Variants in DENND1B observed in about 807,000 individuals in gnomAD.
DENND1B encodes the protein DENN domain containing 1B, also known as DENN domain-containing protein 1B.
DENND1B carries 59 observed loss-of-function variants against 90.1 expected under a neutral mutation model. The observed-to-expected ratio is 0.65, with a 90% confidence interval of 0.53 to 0.81. DENND1B has a LOEUF of 0.81. Among genes scored for constraint, DENND1B ranks in the 40% least tolerant of loss-of-function variants. DENND1B has a pLI of 0.00. For synonymous variants in DENND1B, 337 were observed against 324.6 expected (o/e 1.04, Z -0.41); for missense variants, 862 against 912.6 (o/e 0.94, Z 0.71).
Position 197,511,798 on chromosome 1 carries a change from T to A in DENND1B, c.1745A>T (p.Gln582Leu). 4 of 1,611,060 alleles carry A rather than the reference T, an allele frequency of 2.5e-6. No individual in the cohort carries two copies. Among genetic ancestry groups the A allele is most frequent in the Non-Finnish European group, 2.5e-6 (3 of 1,178,094 alleles). ...LDTLSTHSSD[Q>L]GKLAAAKSLD... ...GCTCTTTGCAGCTGCCAGCTTCCCC[T>A]GATCTGAGCTGTGTGTGCTCAATGT... The change falls in exon 22 of 23, where the codon CAG (glutamine) becomes CTG (leucine). Residue 582 changes from glutamine to leucine, a missense_variant. Physicochemically the swap from Gln to Leu is moderately radical, Grantham distance 113. Coordinates refer to ENST00000620048, the MANE Select transcript of DENND1B (RefSeq NM_001195215.2).
chr1:197,699,296 C>G (rs1658776956), intron 3 of DENND1B, among the ~76,000 whole-genome samples: 1 of 151,970 alleles, frequency 6.6e-6, no homozygotes, highest in Non-Finnish European at 1.5e-5. Context: ...ATAAATGGAG[C>G]CAAAAACAAA....
At chr1:197,515,926 T>C (rs1465753091) in intron 20 of DENND1B, among the ~76,000 whole-genome samples, 1 of 151,876 alleles carries the variant, frequency 6.6e-6, no homozygotes, top group Non-Finnish European at 1.5e-5. Flanking sequence ...AAGTTACCTT[T>C]ATATTCTGTA....
chr1:197,511,296 A>C (rs1309138279), intron 22 of DENND1B, among the ~76,000 whole-genome samples: 1 of 151,794 alleles, frequency 6.6e-6, no homozygotes, highest in Non-Finnish European at 1.5e-5. Flanking sequence ...CATTCAGTTA[A>C]ATTTGCATAA....
intron 12 of DENND1B, among the ~76,000 whole-genome samples, chr1:197,610,945 C>A (rs571254139): frequency 1.7e-4 from 25 of 150,762 alleles, no homozygotes; most frequent in African/African-American, 5.6e-4. Flanking sequence ...ATGCCGGAAC[C>A]TAGAGTACCG....
chr1:197,584,668 A>AT (rs1010153145), intron 14 of DENND1B, among the ~76,000 whole-genome samples: 54 of 151,976 alleles, frequency 3.6e-4, no homozygotes, highest in African/African-American at 1.1e-3. Flanking sequence ...ATGATTGCCA[A>AT]TTTTTTTCAG....
intron 3 of DENND1B, among the ~76,000 whole-genome samples, chr1:197,705,984 AC>A (rs1339559356): frequency 2.6e-5 from 3 of 117,512 alleles, no homozygotes; most frequent in Non-Finnish European, 5.2e-5. Flanking sequence ...CATTTATCAG[AC>A]TTTTTGAGTG....
At chr1:197,612,109 C>A in intron 11 of DENND1B, 133 bp from the exon 12 acceptor site, 1 of 541,160 alleles carries the variant, frequency 1.8e-6, no homozygotes, top group African/African-American at 2.0e-5. Flanking sequence ...TATAGATATT[C>A]AAAATTATTC....
In DENND1B at chr1:197,717,448, C is replaced by T. The variant is rs565456180; in HGVS notation, c.83-2374G>A. ...CCTACCAGTAAATCAAAGGAGACTCCATATCGTAATTAAAGAAAAAAATTT... is the reference window on the plus strand; with the variant it reads ...CCTACCAGTAAATCAAAGGAGACTCTATATCGTAATTAAAGAAAAAAATTT... On this transcript the variant is annotated intron_variant, in intron 2 of 22. Transcript: ENST00000620048. Among the ~76,000 whole-genome samples the T allele has an allele frequency of 4.4e-3, 660 of 151,712 alleles. 3 individuals carry two copies. Among genetic ancestry groups the T allele is most frequent in the African/African-American group, 0.014 (594 of 41,428 alleles).
At chr1:197,681,211 G>A (rs942912856) in intron 3 of DENND1B, among the ~76,000 whole-genome samples, 2 of 151,996 alleles carry the variant, frequency 1.3e-5, no homozygotes, top group South Asian at 2.1e-4. Flanking sequence ...AGTAGGTATG[G>A]ATATAGATAC....
chr1:197,601,223 T>C (rs752794752), intron 13 of DENND1B, among the ~76,000 whole-genome samples: 25 of 133,766 alleles, frequency 1.9e-4, no homozygotes, highest in Admixed American at 8.0e-4. Flanking sequence ...ACATAGTAGA[T>C]ACTTGATAAA....
chr1:197,776,392 G>A (rs898620488), upstream of DENND1B, among the ~76,000 whole-genome samples: 1 of 152,114 alleles, frequency 6.6e-6, no homozygotes, highest in Non-Finnish European at 1.5e-5. Context: ...CTCATATTTA[G>A]GATCTACTGA....
intron 3 of DENND1B, among the ~76,000 whole-genome samples, chr1:197,696,598 C>T (rs959382343): frequency 8.6e-5 from 13 of 151,622 alleles, no homozygotes; most frequent in South Asian, 8.3e-4. Flanking sequence ...TGAATTCCTA[C>T]GATATGTGTC....
chr1:197,646,063 G>A (rs114848122), intron 8 of DENND1B, among the ~76,000 whole-genome samples: 9,413 of 151,694 alleles, frequency 0.062, 451 homozygotes, highest in Non-Finnish European at 0.095. Context: ...ACATATACAC[G>A]TATGTGTATA....
chr1:197,581,970 T>G (rs777155639), intron 15 of DENND1B, among the ~76,000 whole-genome samples: 10 of 152,194 alleles, frequency 6.6e-5, no homozygotes, highest in Admixed American at 2.6e-4. Context: ...CACTATCACT[T>G]GATCTTCCTT....
chr1:197,717,099 A>C (rs1660721816), intron 2 of DENND1B, among the ~76,000 whole-genome samples: 1 of 151,976 alleles, frequency 6.6e-6, no homozygotes, highest in Non-Finnish European at 1.5e-5. Flanking sequence ...AATCATGTGC[A>C]TCCATATTTT....
intron 16 of DENND1B, among the ~76,000 whole-genome samples, chr1:197,549,082 A>C (rs1208952725): frequency 6.6e-6 from 1 of 152,124 alleles, no homozygotes; most frequent in Non-Finnish European, 1.5e-5. Flanking sequence ...ATCCCTCAGA[A>C]TCCTTCTTTT....
intron 3 of DENND1B, among the ~76,000 whole-genome samples, chr1:197,714,598 T>C (rs1022669756): frequency 3.9e-5 from 6 of 152,138 alleles, no homozygotes; most frequent in Admixed American, 6.6e-5. Context: ...TATATGTAAA[T>C]GACTCAGATA....
intron 10 of DENND1B, among the ~76,000 whole-genome samples, chr1:197,640,900 A>G (rs1315409241): frequency 6.6e-6 from 1 of 152,010 alleles, no homozygotes; most frequent in Admixed American, 6.5e-5. Flanking sequence ...TGAGCCCAGG[A>G]GTTTGAGACC....
intron 3 of DENND1B, among the ~76,000 whole-genome samples, chr1:197,695,250 C>T (rs957529820): frequency 3.3e-5 from 5 of 150,736 alleles, no homozygotes; most frequent in African/African-American, 1.2e-4. Context: ...CCACGTTTGC[C>T]CCTTATAATG....
Sources: gnomAD v4.1 joint callset for allele counts (sites outside exome capture counted in the v4.1 genomes callset) on GRCh38, gnomAD v4.1.1 for gene constraint, MANE v1.5 for transcripts, NCBI Gene and HGNC (gene_info 2026-07-23, HGNC 2026-07-21) for gene names.